PHEX: variants seen among roughly 807,000 people sequenced by gnomAD.
PHEX encodes phosphate-regulating neutral endopeptidase PHEX.
PHEX carries 16 observed loss-of-function variants against 68.0 expected under a neutral mutation model. That is an observed-to-expected ratio of 0.24 (90% CI 0.16 to 0.36). The LOEUF is 0.36. Ranked by LOEUF, PHEX falls within the 10% of genes least tolerant of loss-of-function variation. The pLI, the probability that PHEX is intolerant of heterozygous loss-of-function variation, is 1.00. For synonymous variants in PHEX, 208 were observed against 205.1 expected, an observed-to-expected ratio of 1.01 and a Z score of -0.12; for missense variants, 480 against 575.5, an observed-to-expected ratio of 0.83 and a Z score of 1.70.
At chrX:22,061,488 C>A (rs770899341) in intron 3 of PHEX, among the ~76,000 whole-genome samples, 11 of 111,480 alleles carry the variant, frequency 9.9e-5, no homozygotes, top group African/African-American at 2.9e-4. Flanking sequence ...GTGAAGTGAG[C>A]CTTTAATAGA....
intron 14 of PHEX, among the ~76,000 whole-genome samples, chrX:22,184,303 G>A (rs896273068): frequency 9.1e-6 from 1 of 109,542 alleles, no homozygotes. Context: ...GAGACTTTTA[G>A]CCTCATGATA....
intron 15 of PHEX, among the ~76,000 whole-genome samples, chrX:22,197,896 C>T: frequency 9.1e-6 from 1 of 109,462 alleles, no homozygotes. Context: ...GGGCAAGTTA[C>T]TTAACATCTT....
chrX:22,056,464 G>A (rs764703214), intron 3 of PHEX, among the ~76,000 whole-genome samples: 52 of 110,638 alleles, frequency 4.7e-4, no homozygotes, highest in African/African-American at 1.5e-3. Context: ...TCTAGCAAGA[G>A]GCATTGTGTT....
chrX:22,213,405 T>C (rs750329957), intron 16 of PHEX, among the ~76,000 whole-genome samples: 8 of 111,837 alleles, frequency 7.2e-5, no homozygotes, highest in Admixed American at 2.8e-4. Context: ...AGGTTTGATA[T>C]TGGAGGGCTC....
chrX:22,042,351 C>T (rs1440708379), intron 2 of PHEX, among the ~76,000 whole-genome samples: 1 of 112,197 alleles, frequency 8.9e-6, no homozygotes, highest in Non-Finnish European at 1.9e-5. Flanking sequence ...GGCAGACAGG[C>T]TGACTGGGTT....
At chrX:22,101,610 T>C (rs748787774) in intron 9 of PHEX, among the ~76,000 whole-genome samples, 17 of 111,446 alleles carry the variant, frequency 1.5e-4, no homozygotes, top group African/African-American at 5.2e-4. Flanking sequence ...CTGCCCTCCC[T>C]TGGATGTTTG....
At chrX:22,118,644 C>A (rs1260581873) in intron 11 of PHEX, among the ~76,000 whole-genome samples, 2 of 111,326 alleles carry the variant, frequency 1.8e-5, no homozygotes, top group East Asian at 5.6e-4. Flanking sequence ...GTTGGCCCAA[C>A]TGCCTGTGGT....
At chrX:22,103,237 A>G (rs1346368190) in intron 9 of PHEX, among the ~76,000 whole-genome samples, 5 of 111,607 alleles carry the variant, frequency 4.5e-5, no homozygotes, top group Non-Finnish European at 9.4e-5. Flanking sequence ...AGCTTTGGCA[A>G]TTTTCCTGCA....
At chrX:22,036,062 T>A (rs1185127608) in intron 1 of PHEX, among the ~76,000 whole-genome samples, 82 of 76,368 alleles carry the variant, frequency 1.1e-3, no homozygotes, top group East Asian at 7.4e-3. Flanking sequence ...ATATTTTTTT[T>A]TTTTTTTTTT....
chrX:22,190,674 C>A (rs948275748), intron 15 of PHEX, among the ~76,000 whole-genome samples, 172 bp downstream of exon 15: 7 of 111,521 alleles, frequency 6.3e-5, no homozygotes, highest in African/African-American at 1.6e-4. Context: ...CTCTCTTCAC[C>A]TTACCAGTTT....
chrX:22,119,596 CTT>C (rs774763952), intron 11 of PHEX, among the ~76,000 whole-genome samples: 7 of 98,826 alleles, frequency 7.1e-5, no homozygotes, highest in Admixed American at 2.2e-4. Context: ...TTTTCTTTTT[CTT>C]TTTTTTTTTT....
chrX:22,206,565 G>A (rs988721727), intron 15 of PHEX, among the ~76,000 whole-genome samples: 12 of 111,535 alleles, frequency 1.1e-4, no homozygotes, highest in Non-Finnish European at 1.5e-4. Context: ...TACAAAGCAA[G>A]AAAGTGGGTA....
intron 15 of PHEX, among the ~76,000 whole-genome samples, chrX:22,204,405 T>C (rs1202270922): frequency 8.9e-6 from 1 of 112,399 alleles, no homozygotes; most frequent in African/African-American, 3.2e-5. Context: ...TTCTTTTCTC[T>C]ACTGAGTTTA....
chrX:22,112,851 T>A (rs1178544438), intron 10 of PHEX, among the ~76,000 whole-genome samples: 1 of 110,272 alleles, frequency 9.1e-6, no homozygotes, highest in African/African-American at 3.3e-5. Flanking sequence ...TACAGTGAAC[T>A]GAGATGATGG....
chrX:22,249,785 A>C lies in PHEX; in HGVS notation c.*1832A>C. ...GCATTCTGACTTGGTTTAGACATAT[A>C]AGATACTCTGTTTTATTCCTGGACT... On this transcript the variant is annotated 3_prime_UTR_variant, in exon 22 of 22. Transcript: ENST00000379374. 1 of 110,353 alleles carries C rather than the reference A, an allele frequency of 9.1e-6. No homozygotes were observed. The highest frequency in any genetic ancestry group is 2.8e-4 in the East Asian group (1 of 3,523). The allele number at this position is 110,353 out of a possible 1,213,427, so 9.1% of individuals were successfully genotyped here.
Position 22,248,483 on chromosome X carries a change from G to T in PHEX, c.*530G>T, listed in dbSNP as rs1051694256. 2.5e-5 allele frequency: 3 copies of T among 118,556 alleles called. No homozygotes were observed. The highest frequency in any genetic ancestry group is 9.7e-5 in the African/African-American group (3 of 30,948). The allele number at this position is 118,556 out of a possible 1,213,427, so 9.8% of individuals were successfully genotyped here. A position where few individuals can be genotyped will look rare whatever the true frequency, so the allele number is the denominator to read the frequency against. ...TGTAAGGTAGTTAAATTAGAAATATGTTTGATCTCCATTTTACACTTTTTG... is the reference window on the plus strand; with the variant it reads ...TGTAAGGTAGTTAAATTAGAAATATTTTTGATCTCCATTTTACACTTTTTG... On this transcript the variant is annotated 3_prime_UTR_variant, in exon 22 of 22. Transcript: ENST00000379374.
At chrX:22,125,409 G>A (rs946179692) in intron 11 of PHEX, among the ~76,000 whole-genome samples, 3 of 111,686 alleles carry the variant, frequency 2.7e-5, no homozygotes, top group African/African-American at 3.2e-5. Flanking sequence ...ATGCCTTTTC[G>A]TTAAGAATTT....
intron 1 of PHEX, among the ~76,000 whole-genome samples, chrX:22,037,680 A>T (rs1927089010): frequency 9.0e-6 from 1 of 110,522 alleles, no homozygotes; most frequent in Admixed American, 9.6e-5. Context: ...AGCTTGGTCC[A>T]CAAAGTTGCA....
At chrX:22,064,935 A>G (rs762695462) in intron 3 of PHEX, among the ~76,000 whole-genome samples, 3 of 112,461 alleles carry the variant, frequency 2.7e-5, no homozygotes, top group Admixed American at 9.4e-5. Context: ...TAACCTACCC[A>G]TTAATACCAC....
Sources: allele counts gnomAD v4.1 joint callset (sites outside exome capture counted in the v4.1 genomes callset), GRCh38; gene constraint gnomAD v4.1.1; transcripts MANE v1.5; gene names NCBI Gene and HGNC (gene_info 2026-07-23, HGNC 2026-07-21).